Variants in ADCY5 observed in about 807,000 individuals in gnomAD.
ADCY5 encodes the protein adenylate cyclase type 5.
In ADCY5, 30 loss-of-function variants were observed where a neutral mutation model predicts 119.7. The ratio of observed to expected loss-of-function variants is 0.25; its 90% confidence interval spans 0.19 to 0.34. The LOEUF (loss-of-function observed/expected upper bound fraction) is 0.34. Ranked by LOEUF, ADCY5 falls within the 10% of genes least tolerant of loss-of-function variation. The pLI is 1.00. For missense variants in ADCY5, 1,324 were observed against 1,775.2 expected (o/e 0.75, Z 4.57); for synonymous variants, 753 against 762.2 (o/e 0.99, Z 0.20).
chr3:123,320,714 C>T, intron 9 of ADCY5, 35 bp downstream of exon 9: 1 of 1,611,580 alleles, frequency 6.2e-7, no homozygotes, highest in Non-Finnish European at 8.5e-7. Flanking sequence ...CCCCCAGACC[C>T]AGGGAGCAGG....
At chr3:123,411,189 T>C (rs1401213004) in intron 1 of ADCY5, among the ~76,000 whole-genome samples, 1 of 152,208 alleles carries the variant, frequency 6.6e-6, no homozygotes, top group Non-Finnish European at 1.5e-5. Context: ...GCAGTTTCCC[T>C]GGGCCTCCTG....
chr3:123,423,319 C>T (rs867788622), intron 1 of ADCY5, among the ~76,000 whole-genome samples: 1 of 152,218 alleles, frequency 6.6e-6, no homozygotes, highest in Non-Finnish European at 1.5e-5. Flanking sequence ...CCCACCCCTG[C>T]GGAGAAGGGG....
intron 1 of ADCY5, among the ~76,000 whole-genome samples, chr3:123,444,418 A>T (rs1204672753): frequency 6.6e-6 from 1 of 151,972 alleles, no homozygotes; most frequent in Non-Finnish European, 1.5e-5. Flanking sequence ...GAGAGGGAAG[A>T]GAAAGGAAGT....
Position 123,426,784 on chromosome 3 carries a change from T to C in ADCY5, c.1134+20628A>G, listed in dbSNP as rs538130428. Among the ~76,000 whole-genome samples, 29 of 152,200 alleles carry C rather than the reference T, an allele frequency of 1.9e-4. 1 individual carries two copies. In the South Asian group the frequency reaches 6.0e-3, roughly 32 times the overall value. On this transcript the variant is annotated intron_variant, in intron 1 of 20. Transcript: ENST00000462833. ...GGAGTACCAGGAGCTCTGCTGGGGC[T>C]TGGGGTGCCCTAGACACCAGGGTCC...
chr3:123,298,256 C>T (rs938778567), intron 15 of ADCY5, among the ~76,000 whole-genome samples: 4 of 152,312 alleles, frequency 2.6e-5, no homozygotes, highest in Non-Finnish European at 4.4e-5. Context: ...GCTGGGATTA[C>T]AGGTGTGAGC....
intron 1 of ADCY5, among the ~76,000 whole-genome samples, chr3:123,393,425 G>A (rs1576659495): frequency 6.6e-6 from 1 of 152,028 alleles, no homozygotes; most frequent in African/African-American, 2.4e-5. Context: ...GCAGGGTGGG[G>A]TAATGCCTGT....
chr3:123,285,158 AG>A (rs562851675), intron 20 of ADCY5, among the ~76,000 whole-genome samples: 158 of 152,336 alleles, frequency 1.0e-3, no homozygotes, highest in African/African-American at 3.8e-3. Context: ...CCTCCGTGAC[AG>A]ATCAGAACGA....
At chr3:123,355,415 C>A (rs1943005258) in intron 1 of ADCY5, among the ~76,000 whole-genome samples, 1 of 152,120 alleles carries the variant, frequency 6.6e-6, no homozygotes, top group Admixed American at 6.5e-5. Context: ...TCCGATATGG[C>A]AACTGTACAT....
rs1938781060 is a variant in ADCY5 at position 123,286,567 on chromosome 3, T to C, written c.3657+118A>G. The stretch of plus-strand genomic sequence containing the variant: ...ATCAGCGTCAACAGCCCCATCACCC[T>C]TGAATCTGGCTGCAGACATTCTGAC... On this transcript the variant is annotated intron_variant, in intron 20 of 20. Coordinates refer to ENST00000462833, the MANE Select transcript of ADCY5 (RefSeq NM_183357.3). The surrounding 1 kb of genome is among the most constrained non-coding windows in gnomAD (Gnocchi z 4.2). 1.4e-6 allele frequency: 2 copies of C among 1,403,320 alleles called. No individual in the cohort carries two copies. The highest frequency in any genetic ancestry group is 2.4e-5 in the East Asian group (1 of 42,210). 86.9% of individuals were successfully genotyped at this position (1,403,320 alleles called of 1,614,324 possible).
chr3:123,352,543 G>A lies in ADCY5; in HGVS notation c.1173C>T (p.Ile391=), dbSNP rs772370009. Residue 391 remains isoleucine (I), a synonymous_variant, in exon 2 of 21, where the codon ATC becomes ATT. Transcript: ENST00000462833. The surrounding 1 kb of genome is among the most constrained non-coding windows in gnomAD (Gnocchi z 4.8). The part of the protein sequence containing the change: ...SNVLIFSCTN[I]VGVCTHYPAE... ...CCGGATAGTGGGTGCAGACACCCAC[G>A]ATGTTGGTGCAGGAGAAAATGAGAA... The A allele has an allele frequency of 1.5e-5, 25 of 1,613,528 alleles. No individual in the cohort carries two copies. The highest frequency in any genetic ancestry group is 3.3e-4 in the Middle Eastern group (2 of 6,080).
rs6438788 is a variant in ADCY5 at position 123,347,638 on chromosome 3, G to T, written c.1406+144C>A. Reference sequence around the variant, plus strand: ...TCACTCATTTAACACACCTGGAGGGGTGGGGCTGGCATGCTCTAGATGACA... The same window carrying T: ...TCACTCATTTAACACACCTGGAGGGTTGGGGCTGGCATGCTCTAGATGACA... On this transcript the variant is annotated intron_variant, in intron 3 of 20. Transcript: ENST00000462833. 553,427 of 1,065,842 alleles carry T rather than the reference G, an allele frequency of 0.52. 147,867 individuals are homozygous for T. The highest frequency in any genetic ancestry group is 0.69 in the East Asian group (28,603 of 41,260). 66.0% of individuals were successfully genotyped at this position (1,065,842 alleles called of 1,614,324 possible).
chr3:123,447,136 C>T (rs1034801105), intron 1 of ADCY5, among the ~76,000 whole-genome samples: 3 of 151,950 alleles, frequency 2.0e-5, no homozygotes, highest in Non-Finnish European at 4.4e-5. Context: ...CTCCTCCAAC[C>T]TTCCTCACTG....
intron 1 of ADCY5, among the ~76,000 whole-genome samples, chr3:123,386,525 A>G (rs77552592): frequency 0.029 from 4,394 of 152,220 alleles, 213 homozygotes; most frequent in African/African-American, 0.096. Flanking sequence ...CGTTATGCCT[A>G]TTGTCTGGAA....
At chr3:123,388,565 A>C (rs902319308) in intron 1 of ADCY5, among the ~76,000 whole-genome samples, 1 of 117,526 alleles carries the variant, frequency 8.5e-6, no homozygotes, top group African/African-American at 2.5e-5. Context: ...AGGGACAGAT[A>C]TGGGGAGGGT....
chr3:123,397,958 C>T (rs1944649984), intron 1 of ADCY5, among the ~76,000 whole-genome samples: 1 of 152,150 alleles, frequency 6.6e-6, no homozygotes, highest in Admixed American at 6.5e-5. Context: ...AAGAGAAGAG[C>T]AAGAAGGGAA....
At chr3:123,429,757 C>T (rs1166137572) in intron 1 of ADCY5, among the ~76,000 whole-genome samples, 1 of 152,176 alleles carries the variant, frequency 6.6e-6, no homozygotes, top group Non-Finnish European at 1.5e-5. Context: ...ATCAGGGTGG[C>T]ATATCCCACC....
At chr3:123,412,021 C>T (rs1365577774) in intron 1 of ADCY5, among the ~76,000 whole-genome samples, 1 of 152,240 alleles carries the variant, frequency 6.6e-6, no homozygotes, top group Non-Finnish European at 1.5e-5. Flanking sequence ...CTACCCTAGG[C>T]TCTGCCGGCA....
At chr3:123,369,547 G>C (rs1943562728) in intron 1 of ADCY5, among the ~76,000 whole-genome samples, 1 of 152,226 alleles carries the variant, frequency 6.6e-6, no homozygotes, top group South Asian at 2.1e-4. Flanking sequence ...TGGGAGAGCT[G>C]GCCTGAAGTA....
At chr3:123,367,197 C>G (rs1943473437) in intron 1 of ADCY5, among the ~76,000 whole-genome samples, 1 of 152,198 alleles carries the variant, frequency 6.6e-6, no homozygotes, top group Non-Finnish European at 1.5e-5. Context: ...CCCACCTCAT[C>G]CCCGGACCAG....
Sources: allele counts gnomAD v4.1 joint callset (sites outside exome capture counted in the v4.1 genomes callset), GRCh38; gene constraint gnomAD v4.1.1; non-coding constraint Gnocchi (gnomAD v3.1); transcripts MANE v1.5; gene names NCBI Gene and HGNC (gene_info 2026-07-23, HGNC 2026-07-21).